ZNF516: variants seen among roughly 807,000 people sequenced by gnomAD.
ZNF516 encodes the protein zinc finger protein 516.
ZNF516 carries 19 observed loss-of-function variants against 79.7 expected under a neutral mutation model. The ratio of observed to expected loss-of-function variants is 0.24; its 90% CI spans 0.17 to 0.35. ZNF516 has a LOEUF of 0.35. Among genes scored for constraint, ZNF516 ranks in the 10% least tolerant of loss-of-function variants. The pLI is 1.00. For synonymous variants in ZNF516, 877 were observed against 739.5 expected, an observed-to-expected ratio of 1.19 and a Z score of -3.02; for missense variants, 1,678 against 1,679.5, an observed-to-expected ratio of 1.00 and a Z score of 0.02.
chr18:76,469,303 T>C (rs1438487144), intron 1 of ZNF516, among the ~76,000 whole-genome samples: 1 of 152,226 alleles, frequency 6.6e-6, no homozygotes, highest in East Asian at 1.9e-4. Flanking sequence ...CTATTTTTTA[T>C]ATTACTAAAA....
intron 3 of ZNF516, among the ~76,000 whole-genome samples, chr18:76,384,116 T>C (rs1472281581): frequency 6.6e-6 from 1 of 152,174 alleles, no homozygotes; most frequent in Non-Finnish European, 1.5e-5. Context: ...ATCCCTTTTC[T>C]ACACTTCCCA....
chr18:76,434,782 T>C (rs1362445526), intron 3 of ZNF516, among the ~76,000 whole-genome samples: 1 of 152,206 alleles, frequency 6.6e-6, no homozygotes, highest in East Asian at 1.9e-4. Context: ...GTGTGCAGGA[T>C]ACCCACAGTG....
chr18:76,472,650 C>T (rs1395335796), intron 1 of ZNF516, among the ~76,000 whole-genome samples: 1 of 152,222 alleles, frequency 6.6e-6, no homozygotes, highest in Non-Finnish European at 1.5e-5. Context: ...GCTAGCTCCT[C>T]CATAAGGACG....
chr18:76,455,466 A>G (rs1912663870), intron 2 of ZNF516, among the ~76,000 whole-genome samples: 1 of 152,212 alleles, frequency 6.6e-6, no homozygotes, highest in African/African-American at 2.4e-5. Flanking sequence ...GAGGCTGGAA[A>G]GGATCACTGC....
chr18:76,486,786 T>A (rs147837703), intron 1 of ZNF516, among the ~76,000 whole-genome samples: 2 of 152,190 alleles, frequency 1.3e-5, no homozygotes, highest in East Asian at 3.9e-4. Context: ...ACTGTCTGGA[T>A]TTCACAATTA....
At chr18:76,406,288 G>A (rs1302776702) in intron 3 of ZNF516, among the ~76,000 whole-genome samples, 7 of 152,296 alleles carry the variant, frequency 4.6e-5, no homozygotes, top group African/African-American at 9.6e-5. Context: ...AAACAAGGCC[G>A]GGCGCGGTGG....
intron 1 of ZNF516, among the ~76,000 whole-genome samples, chr18:76,481,046 C>A (rs535885194): frequency 6.6e-6 from 1 of 152,152 alleles, no homozygotes; most frequent in Admixed American, 6.5e-5. Flanking sequence ...TTTGCAAATA[C>A]AGACCCAGGT....
chr18:76,439,200 G>GTC (rs753476679), intron 3 of ZNF516, among the ~76,000 whole-genome samples: 1 of 152,170 alleles, frequency 6.6e-6, no homozygotes, highest in Non-Finnish European at 1.5e-5. Flanking sequence ...ATGGAACACG[G>GTC]TCTCTCTCTC....
chr18:76,416,175 C>G (rs189735991), intron 3 of ZNF516, among the ~76,000 whole-genome samples: 12 of 152,336 alleles, frequency 7.9e-5, no homozygotes, highest in Admixed American at 5.9e-4. Context: ...ATGAAAACCA[C>G]TTTGCAGTAA....
At position 76,359,103 on chromosome 18, in the gene ZNF516, G is replaced by A. The variant is rs1413236831; in HGVS notation, c.*3395C>T. The A allele has an allele frequency of 2.0e-5, 3 of 152,252 alleles. No homozygotes were observed. Among genetic ancestry groups the A allele is most frequent in the African/African-American group, 4.8e-5 (2 of 41,452 alleles). The allele number at this position is 152,252 out of a possible 1,614,324, so 9.4% of individuals were successfully genotyped here. On this transcript the variant is annotated 3_prime_UTR_variant, in exon 7 of 7. Coordinates refer to ENST00000443185, the MANE Select transcript of ZNF516 (RefSeq NM_014643.4). ...CGACCTGTGCACAGTGGCCGGATCA[G>A]GGGTGGGGGCCTGTCATACTGGGCG...
intron 3 of ZNF516, among the ~76,000 whole-genome samples, chr18:76,437,067 AACAC>A (rs370573337): frequency 2.9e-4 from 39 of 135,982 alleles, no homozygotes; most frequent in Middle Eastern, 3.6e-3. Flanking sequence ...ACCTGTCTAA[AACAC>A]ACACACACAC....
intron 3 of ZNF516, among the ~76,000 whole-genome samples, chr18:76,407,725 A>C (rs989261989): frequency 1.3e-5 from 2 of 152,254 alleles, no homozygotes; most frequent in African/African-American, 4.8e-5. Context: ...AGTTATTCGA[A>C]GGTGAACACC....
chr18:76,379,660 G>C lies in ZNF516; in HGVS notation c.2454C>G (p.Pro818=). ...VFLSRSGRTG[P]PPALGGKECQ... ...ATTCTTTGCCACCGAGGGCAGGCGG[G>C]GGGCCCGTGCGTCCGCTCCGGGAAA... Residue 818 remains proline (P), a synonymous_variant, in exon 4 of 7, where the codon CCC becomes CCG. Transcript: ENST00000443185. The C allele has an allele frequency of 6.2e-7, 1 of 1,613,622 alleles. No individual in the cohort carries two copies. The highest frequency in any genetic ancestry group is 8.5e-7 in the Non-Finnish European group (1 of 1,179,894).
Position 76,442,224 on chromosome 18 carries a change from G to C in ZNF516, c.831C>G (p.Gly277=). 1.9e-6 allele frequency: 3 copies of C among 1,613,788 alleles called. No homozygotes were observed. The highest frequency in any genetic ancestry group is 2.5e-6 in the Non-Finnish European group (3 of 1,179,864). The part of the protein sequence containing the change: ...MKKHRGSFDH[G]CHICGRRFKE... ...TGAACCTACGGCCGCAGATGTGGCA[G>C]CCGTGGTCGAAGGAGCCCCGGTGCT... is the stretch of plus-strand genomic sequence containing the variant. The change falls in exon 3 of 7, where the codon GGC becomes GGG. Residue 277 remains glycine (G), a synonymous_variant. Coordinates refer to ENST00000443185, the MANE Select transcript of ZNF516 (RefSeq NM_014643.4).
At position 76,425,829 on chromosome 18, in the gene ZNF516, G is replaced by A. The variant is rs2075586427; in HGVS notation, c.1810+15416C>T. Among the ~76,000 whole-genome samples the A allele has an allele frequency of 2.0e-5, 3 of 152,324 alleles. No individual in the cohort carries two copies. The South Asian group carries it at 6.2e-4, about 32-fold the overall frequency. On this transcript the variant is annotated intron_variant, in intron 3 of 6. Transcript: ENST00000443185. ...ACGAGGGGTCGAGGTCCAGGTAAGAGACACAAGCAGAGCCTCGACACAGAA... is the reference window on the plus strand; with the variant it reads ...ACGAGGGGTCGAGGTCCAGGTAAGAAACACAAGCAGAGCCTCGACACAGAA...
In ZNF516 at chr18:76,390,691, A is replaced by AT. The variant is rs2075058831; in HGVS notation, c.1811-10389dup. The stretch of plus-strand genomic sequence containing the variant: ...CAGGAGGCCCATGTGGACGTCGGTC[A>AT]TTATCCTTTGGAGAGGAGAAGCTGG... On this transcript the variant is annotated intron_variant, in intron 3 of 6. Transcript: ENST00000443185. 5.9e-5 allele frequency among the ~76,000 whole-genome samples: 9 copies of AT among 152,284 alleles called. 1 individual carries two copies. The South Asian group carries it at 1.9e-3, about 32-fold the overall frequency.
At position 76,442,533 on chromosome 18, in the gene ZNF516, G is replaced by A. The variant is rs536856330; in HGVS notation, c.522C>T (p.Val174=). The change falls in exon 3 of 7, where the codon GTC becomes GTT. Residue 174 remains valine, a synonymous_variant. Coordinates refer to ENST00000443185, the MANE Select transcript of ZNF516 (RefSeq NM_014643.4). ...ACAPGEAKAA[V]QCSFCKSQFE... The stretch of plus-strand genomic sequence containing the variant: ...ACTGGCTCTTGCAGAAGGAGCACTG[G>A]ACCGCTGCCTTGGCCTCCCCCGGGG... The A allele has an allele frequency of 3.4e-5, 55 of 1,600,038 alleles. 1 individual carries two copies. The South Asian group carries it at 5.9e-4, about 17-fold the overall frequency.
rs960810202 is a variant in ZNF516 at position 76,443,057 on chromosome 18, G to A, written c.-3C>T. The stretch of plus-strand genomic sequence containing the variant: ...TCGGCCTCTCTGTTGCGATCCATCC[G>A]AAGGACGGGCGCGGCCGGTGGTGGC... On this transcript the variant is annotated 5_prime_UTR_variant, in exon 3 of 7. Transcript: ENST00000443185. The A allele has an allele frequency of 1.3e-6, 2 of 1,582,688 alleles. No homozygotes were observed. Among genetic ancestry groups the A allele is most frequent in the East Asian group, 2.3e-5 (1 of 43,980 alleles).
chr18:76,430,655 T>C (rs1168925956), intron 3 of ZNF516, among the ~76,000 whole-genome samples: 2 of 152,234 alleles, frequency 1.3e-5, no homozygotes, highest in East Asian at 1.9e-4. Flanking sequence ...GGAATTATCA[T>C]TTTAAGTGAT....
Sources: gnomAD v4.1 joint callset for allele counts (sites outside exome capture counted in the v4.1 genomes callset) on GRCh38, gnomAD v4.1.1 for gene constraint, MANE v1.5 for transcripts, NCBI Gene and HGNC (gene_info 2026-07-23, HGNC 2026-07-21) for gene names.